The following CACNA2D3 variants were observed in gnomAD, a reference collection of about 807,000 sequenced individuals.
The protein encoded by CACNA2D3 is calcium voltage-gated channel auxiliary subunit alpha2delta 3.
In CACNA2D3, 60 loss-of-function variants were observed where a neutral mutation model predicts 160.6. The ratio of observed to expected loss-of-function variants is 0.37; its 90% CI spans 0.30 to 0.46. CACNA2D3 has a LOEUF of 0.46. Among genes scored for constraint, CACNA2D3 ranks in the 20% least tolerant of loss-of-function variants. The pLI, the probability that CACNA2D3 is intolerant of heterozygous loss-of-function variation, is 1.00. For missense variants in CACNA2D3, 1,205 were observed against 1,365.0 expected, an observed-to-expected ratio of 0.88 and a Z score of 1.85; for synonymous variants, 558 against 492.9, an observed-to-expected ratio of 1.13 and a Z score of -1.75.
At chr3:54,942,357 C>T (rs920906222) in intron 27 of CACNA2D3, among the ~76,000 whole-genome samples, 3 of 152,184 alleles carry the variant, frequency 2.0e-5, no homozygotes, top group Non-Finnish European at 2.9e-5. Context: ...TCTGCCATCC[C>T]CTCCCACAGT....
At chr3:54,649,521 C>G (rs1699718312) in intron 11 of CACNA2D3, among the ~76,000 whole-genome samples, 1 of 152,212 alleles carries the variant, frequency 6.6e-6, no homozygotes. Flanking sequence ...GAATTTATTG[C>G]TCACAGTCCT....
At chr3:54,331,520 C>T (rs1210395244) in intron 3 of CACNA2D3, among the ~76,000 whole-genome samples, 1 of 152,186 alleles carries the variant, frequency 6.6e-6, no homozygotes, top group African/African-American at 2.4e-5. Flanking sequence ...GATATCATCT[C>T]TGTTGTCATC....
chr3:55,073,682 GAGT>G, intron 36 of CACNA2D3, 92 bp from the exon 37 acceptor site: 1 of 1,227,156 alleles, frequency 8.1e-7, no homozygotes, highest in Non-Finnish European at 1.2e-6. Context: ...TGGAGAGAGA[GAGT>G]AGTTAAGAGA....
chr3:54,289,227 A>G (rs928088361), intron 2 of CACNA2D3, among the ~76,000 whole-genome samples: 3 of 152,178 alleles, frequency 2.0e-5, no homozygotes, highest in South Asian at 2.1e-4. Context: ...TACAAAATCA[A>G]TGCACAAAAA....
intron 2 of CACNA2D3, among the ~76,000 whole-genome samples, chr3:54,179,662 G>T (rs773747366): frequency 6.6e-6 from 1 of 152,194 alleles, no homozygotes; most frequent in African/African-American, 2.4e-5. Context: ...CAATGTGGTG[G>T]TAGTTGGAGA....
chr3:54,857,028 G>C (rs1699186552), intron 17 of CACNA2D3, among the ~76,000 whole-genome samples: 1 of 152,162 alleles, frequency 6.6e-6, no homozygotes, highest in Non-Finnish European at 1.5e-5. Flanking sequence ...CAAGCCACCT[G>C]TCTTGGCCTC....
intron 4 of CACNA2D3, among the ~76,000 whole-genome samples, chr3:54,481,683 C>T (rs1042261960): frequency 3.9e-5 from 6 of 152,208 alleles, no homozygotes; most frequent in Admixed American, 1.3e-4. Flanking sequence ...CTACAGGCAA[C>T]TCTATCACTA....
At chr3:54,587,786 A>T (rs998097156) in intron 9 of CACNA2D3, among the ~76,000 whole-genome samples, 1 of 152,192 alleles carries the variant, frequency 6.6e-6, no homozygotes, top group African/African-American at 2.4e-5. Context: ...TAGCTAGACT[A>T]ATCCTATAAC....
intron 5 of CACNA2D3, among the ~76,000 whole-genome samples, chr3:54,545,410 C>G (rs1366385791): frequency 1.3e-5 from 2 of 152,156 alleles, no homozygotes; most frequent in Non-Finnish European, 2.9e-5. Context: ...GGTGTACTTC[C>G]TGTTAAATAT....
At chr3:54,468,797 T>C (rs1446722124) in intron 4 of CACNA2D3, among the ~76,000 whole-genome samples, 2 of 152,032 alleles carry the variant, frequency 1.3e-5, no homozygotes, top group African/African-American at 4.8e-5. Flanking sequence ...CCTCACAGTG[T>C]AAACAAAGCT....
intron 35 of CACNA2D3, among the ~76,000 whole-genome samples, chr3:55,054,581 T>G (rs576374901): frequency 1.1e-4 from 16 of 149,326 alleles, no homozygotes; most frequent in Middle Eastern, 3.3e-3. Context: ...AATTAATATA[T>G]AAATATATTA....
At chr3:54,221,710 C>A (rs770605570) in intron 2 of CACNA2D3, among the ~76,000 whole-genome samples, 1 of 152,080 alleles carries the variant, frequency 6.6e-6, no homozygotes, top group Non-Finnish European at 1.5e-5. Flanking sequence ...ACGTATGTAC[C>A]TTGTCCCATA....
At chr3:54,641,840 T>C (rs1486465524) in intron 10 of CACNA2D3, among the ~76,000 whole-genome samples, 1 of 152,222 alleles carries the variant, frequency 6.6e-6, no homozygotes, top group Non-Finnish European at 1.5e-5. Context: ...CTTCCTGGCA[T>C]GGCCTGAAGT....
chr3:54,271,164 G>A (rs940987907), intron 2 of CACNA2D3, among the ~76,000 whole-genome samples: 2 of 152,194 alleles, frequency 1.3e-5, no homozygotes, highest in Admixed American at 6.5e-5. Flanking sequence ...CAGTGGGCAC[G>A]TTTCCTGGGC....
rs181802936 is a variant in CACNA2D3, at chr3:55,004,382, T to C, written c.2691-381T>C. ...TGGTTCTTCTTAGTTCTCCTGTCCC[T>C]TGGAGACATGGCCCAAGTAAATTCC... is the stretch of plus-strand genomic sequence containing the variant. On this transcript the variant is annotated intron_variant, in intron 31 of 37. Coordinates refer to ENST00000474759, the MANE Select transcript of CACNA2D3 (RefSeq NM_018398.3). Among the ~76,000 whole-genome samples, 19 of 152,342 alleles carry C rather than the reference T, an allele frequency of 1.2e-4. No individual in the cohort carries two copies. The East Asian group carries it at 3.7e-3, about 29-fold the overall frequency.
At chr3:55,037,604 C>T (rs1235753897) in intron 35 of CACNA2D3, among the ~76,000 whole-genome samples, 2 of 152,174 alleles carry the variant, frequency 1.3e-5, no homozygotes, top group Admixed American at 6.5e-5. Flanking sequence ...AGAGAGTAAA[C>T]AGCGATGGAT....
At chr3:54,789,383 G>A (rs1228173416) in intron 13 of CACNA2D3, among the ~76,000 whole-genome samples, 1 of 152,134 alleles carries the variant, frequency 6.6e-6, no homozygotes, top group Non-Finnish European at 1.5e-5. Flanking sequence ...TCCCTGGCTT[G>A]TCCTTTGCTG....
chr3:54,948,297 T>C (rs1701667335), intron 27 of CACNA2D3, among the ~76,000 whole-genome samples: 1 of 152,210 alleles, frequency 6.6e-6, no homozygotes, highest in East Asian at 1.9e-4. Context: ...TGAGTAATTC[T>C]CTCACTGTAT....
At chr3:54,309,497 C>T (rs1447635523) in intron 2 of CACNA2D3, among the ~76,000 whole-genome samples, 1 of 152,044 alleles carries the variant, frequency 6.6e-6, no homozygotes, top group Non-Finnish European at 1.5e-5. Context: ...AATTCAGAAC[C>T]TGACAATCTG....
Sources: gnomAD v4.1 joint callset for allele counts (sites outside exome capture counted in the v4.1 genomes callset) on GRCh38, gnomAD v4.1.1 for gene constraint, MANE v1.5 for transcripts, NCBI Gene and HGNC (gene_info 2026-07-23, HGNC 2026-07-21) for gene names.